Variants in CLCA4 observed in about 807,000 individuals in gnomAD.
The protein encoded by CLCA4 is chloride channel accessory 4, also known as calcium-activated chloride channel regulator 4.
A neutral mutation model predicts 78.9 loss-of-function variants in CLCA4; 69 were observed. That is an observed-to-expected ratio of 0.87 (90% confidence interval 0.72 to 1.07). The LOEUF (loss-of-function observed/expected upper bound fraction) is 1.07. CLCA4 is among the 50% of genes least tolerant of loss of function. CLCA4 has a pLI of 0.00. For synonymous variants in CLCA4, 362 were observed against 375.8 expected (o/e 0.96, Z 0.42); for missense variants, 1,133 against 1,095.8 (o/e 1.03, Z -0.48).
intron 1 of CLCA4, among the ~76,000 whole-genome samples, chr1:86,559,306 C>T (rs2101797814): frequency 6.6e-6 from 1 of 152,006 alleles, no homozygotes; most frequent in Middle Eastern, 3.4e-3. Flanking sequence ...TTCATCACAC[C>T]TCCCACCCAC....
At chr1:86,550,288 T>C (rs1451341417) in intron 1 of CLCA4, among the ~76,000 whole-genome samples, 1 of 152,228 alleles carries the variant, frequency 6.6e-6, no homozygotes, top group Admixed American at 6.5e-5. Context: ...TTACTAAAGA[T>C]GTTTAAAGAA....
At position 86,580,305 on chromosome 1, in the gene CLCA4, C is replaced by T. The variant is rs891788847; in HGVS notation, c.2720C>T (p.Ser907Phe). 3.1e-6 allele frequency: 5 copies of T among 1,605,472 alleles called. No homozygotes were observed. The highest frequency in any genetic ancestry group is 4.2e-6 in the Non-Finnish European group (5 of 1,177,310). The change falls in exon 14 of 14, where the codon TCT becomes TTT. Residue 907 changes from serine to phenylalanine, a missense_variant. Coordinates refer to ENST00000370563, the MANE Select transcript of CLCA4 (RefSeq NM_012128.4). ...ACGCTGGTATTGTCTGTGATTGGGT[C>T]TGTTGTAATTGTTAACTTTATTTTA... ...ISTLVLSVIG[S>F]VVIVNFILST...
At position 86,579,334 on chromosome 1, in the gene CLCA4, C is replaced by T. The variant is rs1410849574; in HGVS notation, c.2123-20C>T. 6 of 1,581,804 alleles carry T rather than the reference C, an allele frequency of 3.8e-6. No individual in the cohort carries two copies. Among genetic ancestry groups the T allele is most frequent in the Admixed American group, 3.3e-5 (2 of 59,736 alleles). On this transcript the variant is annotated intron_variant, in intron 12 of 13. Transcript: ENST00000370563. Reference sequence around the variant, plus strand: ...TACCAGTAGTTTTGCCCATTATAAACCAGGAAATGTTTAATGCAGGGGAAA... The same window carrying T: ...TACCAGTAGTTTTGCCCATTATAAATCAGGAAATGTTTAATGCAGGGGAAA...
At chr1:86,564,917 C>T (rs1650132348) in intron 4 of CLCA4, among the ~76,000 whole-genome samples, 1 of 152,032 alleles carries the variant, frequency 6.6e-6, no homozygotes, top group African/African-American at 2.4e-5. Context: ...TAAAGTGGTA[C>T]TCAGAGTAAA....
chr1:86,571,111 C>G lies in CLCA4; in HGVS notation c.1217C>G (p.Ser406Cys). 1 of 1,612,278 alleles carries G rather than the reference C, an allele frequency of 6.2e-7. No homozygotes were observed. Among genetic ancestry groups the G allele is most frequent in the Non-Finnish European group, 8.5e-7 (1 of 1,178,694 alleles). Residue 406 changes from serine to cysteine, a missense_variant, in exon 8 of 14, where the codon TCC becomes TGC. Physicochemically the swap from Ser to Cys is moderately radical, Grantham distance 112 (BLOSUM62 -1). Transcript: ENST00000370563. ...GAGCTACATTCCCAACTCGATGGAT[C>G]CGAAGTACTGCTGCTGACTGATGGG... is the stretch of plus-strand genomic sequence containing the variant. ...IGELHSQLDGSEVLLLTDGED... is the reference protein window; with the variant it reads ...IGELHSQLDGCEVLLLTDGED...
chr1:86,571,374 A>G, intron 8 of CLCA4, 120 bp downstream of exon 8: 6 of 907,852 alleles, frequency 6.6e-6, no homozygotes, highest in Non-Finnish European at 9.7e-6. Flanking sequence ...GACCAGACCC[A>G]ATCTCTGTTC....
At position 86,560,266 on chromosome 1, in the gene CLCA4, A is replaced by G. The variant is rs1649977348; in HGVS notation, c.356A>G (p.Lys119Arg). Residue 119 changes from lysine to arginine, a missense_variant, in exon 3 of 14, where the codon AAG (lysine) becomes AGG (arginine). Lys to Arg is a conservative substitution (Grantham distance 26, BLOSUM62 2). Coordinates refer to ENST00000370563, the MANE Select transcript of CLCA4 (RefSeq NM_012128.4). ...CCAGGTAGAGATGAACCATACACCA[A>G]GCAGTTCACAGAATGTGGAGAGAAA... ...TLPGRDEPYT[K>R]QFTECGEKGE... The G allele has an allele frequency of 2.5e-6, 4 of 1,614,100 alleles. No individual in the cohort carries two copies. The highest frequency in any genetic ancestry group is 3.4e-6 in the Non-Finnish European group (4 of 1,179,932).
Position 86,565,828 on chromosome 1 carries a change from C to G in CLCA4, c.762C>G (p.Thr254=), listed in dbSNP as rs1018750206. The change falls in exon 6 of 14, where the codon ACC becomes ACG. Residue 254 remains threonine, a synonymous_variant. Transcript: ENST00000370563. ...TTGTTGAATTTTGTAACGAAAAAAC[C>G]CATAATCAAGAAGCTCCAAGCCTAC... is the stretch of plus-strand genomic sequence containing the variant. ...DSVVEFCNEK[T]HNQEAPSLQN... The G allele has an allele frequency of 1.3e-6, 2 of 1,540,022 alleles. No individual in the cohort carries two copies. Among genetic ancestry groups the G allele is most frequent in the Non-Finnish European group, 1.7e-6 (2 of 1,143,478 alleles).
intron 5 of CLCA4, 123 bp from the exon 6 acceptor site, chr1:86,565,679 G>A: frequency 4.6e-6 from 3 of 647,926 alleles, no homozygotes; most frequent in Non-Finnish European, 2.5e-6. Flanking sequence ...TTGATGCTCA[G>A]TAAATGATAT....
chr1:86,562,271 T>C (rs1289040285), intron 3 of CLCA4, among the ~76,000 whole-genome samples: 1 of 152,214 alleles, frequency 6.6e-6, no homozygotes, highest in African/African-American at 2.4e-5. Context: ...TCTTAAATTT[T>C]TCTTAACACG....
In CLCA4 at chr1:86,547,143, T is replaced by C. The variant is rs751566278; in HGVS notation, c.24T>C (p.Val8=). 13 of 1,606,880 alleles carry C rather than the reference T, an allele frequency of 8.1e-6. No homozygotes were observed. Among genetic ancestry groups the C allele is most frequent in the Non-Finnish European group, 1.1e-5 (13 of 1,178,258 alleles). Residue 8 remains valine, a synonymous_variant, in exon 1 of 14, where the codon GTT becomes GTC. Transcript: ENST00000370563. ...CAATGGGGTTATTCAGAGGTTTTGT[T>C]TTCCTCTTAGTTCTGTGCCTGCTGC... MGLFRGF[V]FLLVLCLLHQ...
Position 86,567,523 on chromosome 1 carries a change from A to G in CLCA4, c.1054A>G (p.Thr352Ala), listed in dbSNP as rs1650237583. ...GGTGGGGATGGTTCACTTTGATAGT[A>G]CTGCCACTATTGTAAATAAGCTAAT... ...SWVGMVHFDSTATIVNKLIQI... is the reference protein window; with the variant it reads ...SWVGMVHFDSAATIVNKLIQI... Residue 352 changes from threonine to alanine, a missense_variant, in exon 7 of 14, where the codon ACT (threonine) becomes GCT (alanine). Physicochemically the swap from Thr to Ala is moderately conservative, Grantham distance 58. Coordinates refer to ENST00000370563, the MANE Select transcript of CLCA4 (RefSeq NM_012128.4). 6.2e-7 allele frequency: 1 copy of G among 1,613,088 alleles called. No individual in the cohort carries two copies. Among genetic ancestry groups the G allele is most frequent in the South Asian group, 1.1e-5 (1 of 91,068 alleles).
chr1:86,567,718 T>C, intron 7 of CLCA4, 67 bp downstream of exon 7: 1 of 1,235,772 alleles, frequency 8.1e-7, no homozygotes, highest in East Asian at 2.4e-5. Context: ...TGTTAAGTGG[T>C]ACTGCACATG....
intron 1 of CLCA4, among the ~76,000 whole-genome samples, chr1:86,548,718 T>A (rs996026471): frequency 2.7e-5 from 4 of 150,246 alleles, no homozygotes; most frequent in African/African-American, 9.8e-5. Context: ...AATTGGGATG[T>A]CTTCTGTTTG....
intron 13 of CLCA4, 46 bp from the exon 14 acceptor site, chr1:86,579,896 A>T: frequency 8.3e-7 from 1 of 1,203,658 alleles, no homozygotes; most frequent in Non-Finnish European, 1.2e-6. Context: ...AGGAATGAAT[A>T]TGCTATGCTG....
intron 8 of CLCA4, chr1:86,571,491 G>T: frequency 2.7e-6 from 1 of 368,164 alleles, no homozygotes; most frequent in Non-Finnish European, 4.9e-6. Context: ...GAAAAATAAA[G>T]TTCTATGTGA....
chr1:86,554,745 T>C (rs779823977), intron 1 of CLCA4, among the ~76,000 whole-genome samples: 6 of 152,244 alleles, frequency 3.9e-5, no homozygotes, highest in Non-Finnish European at 8.8e-5. Context: ...ATGGTAGTTC[T>C]GCTTTTAGCT....
At chr1:86,566,757 T>C (rs1217630516) in intron 6 of CLCA4, among the ~76,000 whole-genome samples, 1 of 151,556 alleles carries the variant, frequency 6.6e-6, no homozygotes, top group East Asian at 1.9e-4. Context: ...ATCAGTAGGG[T>C]GATAAGGACT....
At position 86,560,350 on chromosome 1, in the gene CLCA4, G is replaced by A. The variant is rs756534420; in HGVS notation, c.440G>A (p.Gly147Glu). 1.9e-6 allele frequency: 3 copies of A among 1,612,444 alleles called. No individual in the cohort carries two copies. The change falls in exon 3 of 14, where the codon GGA becomes GAA. Residue 147 changes from glycine (G) to glutamate (E), a missense_variant. Coordinates refer to ENST00000370563, the MANE Select transcript of CLCA4 (RefSeq NM_012128.4). ...LLLGKKQNEY[G>E]PPGKLFVHEW... ...CTTGGAAAAAAACAAAATGAATATG[G>A]ACCACCAGGTAGAAATTTTGGTTAA...
Sources: allele counts gnomAD v4.1 joint callset (sites outside exome capture counted in the v4.1 genomes callset), GRCh38; gene constraint gnomAD v4.1.1; transcripts MANE v1.5; gene names NCBI Gene and HGNC (gene_info 2026-07-23, HGNC 2026-07-21).